The following KIAA1217 variants were observed in gnomAD, a reference collection of about 807,000 sequenced individuals.
KIAA1217 encodes sickle tail protein homolog.
KIAA1217 carries 88 observed loss-of-function variants against 163.9 expected under a neutral mutation model. The observed-to-expected ratio is 0.54, with a 90% confidence interval of 0.45 to 0.64. The LOEUF is 0.64. Among genes scored for constraint, KIAA1217 ranks in the 30% least tolerant of loss-of-function variants. The pLI, the probability that KIAA1217 is intolerant of heterozygous loss-of-function variation, is 0.00. For missense variants in KIAA1217, 2,372 were observed against 2,475.0 expected (o/e 0.96, Z 0.88); for synonymous variants, 903 against 923.1 (o/e 0.98, Z 0.39).
chr10:23,704,097 C>G (rs1331811329), intron 1 of KIAA1217, among the ~76,000 whole-genome samples: 3 of 126,626 alleles, frequency 2.4e-5, no homozygotes, highest in African/African-American at 8.9e-5. Context: ...TGTGTATGTA[C>G]TTTGTATTAT....
chr10:24,098,902 T>C (rs1183045384), intron 2 of KIAA1217, among the ~76,000 whole-genome samples: 2 of 152,158 alleles, frequency 1.3e-5, no homozygotes, highest in African/African-American at 4.8e-5. Flanking sequence ...AAAGATCGCT[T>C]GAGACCAGGA....
At chr10:23,723,276 G>T (rs1027968674) in intron 1 of KIAA1217, among the ~76,000 whole-genome samples, 2 of 151,982 alleles carry the variant, frequency 1.3e-5, no homozygotes, top group Admixed American at 1.3e-4. Context: ...ATTGTATCTG[G>T]CTTGTTACAG....
At chr10:23,886,740 G>A (rs1589015791) in intron 1 of KIAA1217, among the ~76,000 whole-genome samples, 1 of 151,692 alleles carries the variant, frequency 6.6e-6, no homozygotes, top group Non-Finnish European at 1.5e-5. Flanking sequence ...GGTGGTTATG[G>A]CTTTTTTATA....
At chr10:24,293,986 G>A (rs889466274) in intron 2 of KIAA1217, among the ~76,000 whole-genome samples, 5 of 152,112 alleles carry the variant, frequency 3.3e-5, no homozygotes, top group Admixed American at 2.0e-4. Flanking sequence ...GAGGTCAGGA[G>A]ATGGAGACCA....
intron 2 of KIAA1217, among the ~76,000 whole-genome samples, chr10:24,347,133 G>A (rs2047892911): frequency 2.0e-5 from 3 of 152,108 alleles, no homozygotes; most frequent in Admixed American, 6.5e-5. Context: ...AGGTGCAGGA[G>A]TCATGAAAAA....
intron 2 of KIAA1217, among the ~76,000 whole-genome samples, chr10:24,175,263 CCTTATAGTTTAGCAT>C (rs1443918723): frequency 6.6e-6 from 1 of 152,180 alleles, no homozygotes; most frequent in Non-Finnish European, 1.5e-5. Context: ...TAGTTTAGCT[CCTTATAGTTTAGCAT>C]CCTTATAGCT....
intron 1 of KIAA1217, among the ~76,000 whole-genome samples, chr10:23,892,142 T>G (rs1841443736): frequency 6.6e-6 from 1 of 151,966 alleles, no homozygotes. Flanking sequence ...TCTTATTGAA[T>G]GTTTGGAAAG....
chr10:24,141,757 G>A (rs1309624456), intron 2 of KIAA1217, among the ~76,000 whole-genome samples: 1 of 152,110 alleles, frequency 6.6e-6, no homozygotes, highest in Non-Finnish European at 1.5e-5. Context: ...CCGTAGATAA[G>A]GCTGGTCAGA....
At chr10:24,078,996 T>C (rs143517924) in intron 2 of KIAA1217, among the ~76,000 whole-genome samples, 113 of 152,334 alleles carry the variant, frequency 7.4e-4, no homozygotes, top group African/African-American at 2.7e-3. Context: ...CTCATGGGTG[T>C]GTTGGATCTG....
intron 1 of KIAA1217, among the ~76,000 whole-genome samples, chr10:23,760,088 A>C (rs2130854879): frequency 6.6e-6 from 1 of 152,274 alleles, no homozygotes; most frequent in South Asian, 2.1e-4. Flanking sequence ...GGGAAGTTTT[A>C]ACTCAGTGCC....
chr10:23,912,129 C>T (rs1395598192), intron 1 of KIAA1217, among the ~76,000 whole-genome samples: 2 of 152,046 alleles, frequency 1.3e-5, no homozygotes, highest in Non-Finnish European at 2.9e-5. Flanking sequence ...ACTTTAAGTG[C>T]AATTGCCCCT....
chr10:24,494,385 G>A, intron 6 of KIAA1217, 115 bp from the exon 7 acceptor site: 1 of 786,790 alleles, frequency 1.3e-6, no homozygotes, highest in Non-Finnish European at 2.1e-6. Flanking sequence ...CAGGTTGGGT[G>A]AACTTCCACG....
At chr10:24,377,047 A>G (rs1591435998) in intron 2 of KIAA1217, among the ~76,000 whole-genome samples, 1 of 152,194 alleles carries the variant, frequency 6.6e-6, no homozygotes, top group Admixed American at 6.5e-5. Flanking sequence ...GGTCAATCAC[A>G]GATGCAGAAG....
intron 1 of KIAA1217, among the ~76,000 whole-genome samples, chr10:23,909,568 A>C (rs888914613): frequency 6.6e-6 from 1 of 152,100 alleles, no homozygotes; most frequent in Non-Finnish European, 1.5e-5. Flanking sequence ...TAGAAAAGAA[A>C]GCTAAGGGAA....
intron 2 of KIAA1217, among the ~76,000 whole-genome samples, chr10:24,224,599 T>G (rs1381282286): frequency 2.0e-5 from 3 of 151,568 alleles, no homozygotes; most frequent in African/African-American, 7.3e-5. Flanking sequence ...GGATTACAGG[T>G]GTGAGCCACT....
rs145469743 is a variant in KIAA1217, at chr10:23,777,872, C to T, written c.-321+82638C>T. 9.2e-3 allele frequency among the ~76,000 whole-genome samples: 1,394 copies of T among 152,230 alleles called. 35 individuals are homozygous for T. The highest frequency in any genetic ancestry group is 0.031 in the African/African-American group (1,292 of 41,550). ...TAGGGGTGGAAAGGAAGTCAAGTCA[C>T]GGAAAATGCTTTCTGTTTACCTCTT... On this transcript the variant is annotated intron_variant, in intron 1 of 18. Transcript: ENST00000376462.
chr10:24,366,369 C>T (rs1440062410), intron 2 of KIAA1217, among the ~76,000 whole-genome samples: 2 of 152,072 alleles, frequency 1.3e-5, no homozygotes, highest in East Asian at 1.9e-4. Context: ...CGCTTTAACT[C>T]GGGAAGCAGA....
chr10:24,524,680 A>G lies in KIAA1217; in HGVS notation c.2814A>G (p.Ile938Met), dbSNP rs1215272771. The change falls in exon 13 of 21, where the codon ATA (isoleucine) becomes ATG (methionine). Residue 938 changes from isoleucine to methionine, a missense_variant. Ile to Met is a conservative substitution (Grantham distance 10). Around this residue, in one of 3 missense-constraint regions of KIAA1217, gnomAD observed 1,431 missense variants for 1,470.3 expected, o/e 0.97. Transcript: ENST00000376454. Reference protein sequence around the residue: ...QMSQAPQSPQIPMNGSAMQSL... With the variant: ...QMSQAPQSPQMPMNGSAMQSL... ...CGCAGGCTCCGCAGTCCCCACAGAT[A>G]CCCATGAATGGGTCTGCCATGCAGA... 6.2e-7 allele frequency: 1 copy of G among 1,613,960 alleles called. No individual in the cohort carries two copies. Among genetic ancestry groups the G allele is most frequent in the African/African-American group, 1.3e-5 (1 of 74,914 alleles).
chr10:24,220,003 G>A, intron 2 of KIAA1217, 94 bp downstream of exon 2: 1 of 1,310,868 alleles, frequency 7.6e-7, no homozygotes, highest in Non-Finnish European at 1.0e-6. Flanking sequence ...GTAAAGGATA[G>A]CTTAGTGGAC....
Sources: gnomAD v4.1 joint callset for allele counts (sites outside exome capture counted in the v4.1 genomes callset) on GRCh38, gnomAD v4.1.1 for gene constraint, gnomAD v4.1.1 regional missense constraint, MANE v1.5 for transcripts, NCBI Gene and HGNC (gene_info 2026-07-23, HGNC 2026-07-21) for gene names.